Variants in KIAA0319 observed in about 807,000 individuals in gnomAD.
KIAA0319 encodes dyslexia-associated protein KIAA0319.
Under a neutral mutation model 108.4 loss-of-function variants are expected in KIAA0319, and 83 were observed. The ratio of observed to expected loss-of-function variants is 0.77; its 90% CI spans 0.64 to 0.92. The LOEUF (loss-of-function observed/expected upper bound fraction) is 0.92, where lower values mean the gene tolerates loss of function less well. Ranked by LOEUF, KIAA0319 falls within the 40% of genes least tolerant of loss-of-function variation. The pLI is 0.00. For missense variants in KIAA0319, 1,195 were observed against 1,322.4 expected (o/e 0.90, Z 1.49); for synonymous variants, 484 against 510.4 (o/e 0.95, Z 0.70).
At chr6:24,638,333 A>G (rs1255556566) in intron 1 of KIAA0319, among the ~76,000 whole-genome samples, 1 of 152,244 alleles carries the variant, frequency 6.6e-6, no homozygotes, top group African/African-American at 2.4e-5. Flanking sequence ...AATGGGAGCA[A>G]TATCTGTGGA....
chr6:24,644,318 T>C (rs1350978089), intron 1 of KIAA0319, among the ~76,000 whole-genome samples: 1 of 152,172 alleles, frequency 6.6e-6, no homozygotes, highest in East Asian at 1.9e-4. Flanking sequence ...ATTGGGTAAA[T>C]AATGATCTTG....
In KIAA0319 at chr6:24,599,432, G is replaced by T; in HGVS notation, c.55+1617C>A. ...AGCTGTCCAAGCTGGAGGCCACCCT[G>T]CAGTGGGCCATGCAGGACATGGCAT... On this transcript the variant is annotated intron_variant, in intron 2 of 20. Transcript: ENST00000378214. The surrounding 1 kb of genome is among the most constrained non-coding windows in gnomAD (Gnocchi z 4.1). 1 of 554,230 alleles carries T rather than the reference G, an allele frequency of 1.8e-6. No homozygotes were observed. 34.3% of individuals were successfully genotyped at this position (554,230 alleles called of 1,614,324 possible).
At chr6:24,608,719 A>G (rs1771811346) in intron 1 of KIAA0319, among the ~76,000 whole-genome samples, 1 of 151,752 alleles carries the variant, frequency 6.6e-6, no homozygotes, top group Non-Finnish European at 1.5e-5. Flanking sequence ...TCACGAGGTC[A>G]GGAGATCGAG....
Position 24,546,974 on chromosome 6 carries a change from A to G in KIAA0319, c.*191T>C, listed in dbSNP as rs1324793522. On this transcript the variant is annotated 3_prime_UTR_variant, in exon 21 of 21. Coordinates refer to ENST00000378214, the MANE Select transcript of KIAA0319 (RefSeq NM_014809.4). ...CCAGCCTTTATTTCTATTAACAAGC[A>G]TCTCAGTTAAAAGAGCAAAGTTTTT... 1 of 560,190 alleles carries G rather than the reference A, an allele frequency of 1.8e-6. No homozygotes were observed. The highest frequency in any genetic ancestry group is 3.2e-6 in the Non-Finnish European group (1 of 314,908). 34.7% of individuals were successfully genotyped at this position (560,190 alleles called of 1,614,324 possible).
At chr6:24,580,790 TTTCTC>T in intron 7 of KIAA0319, 131 bp downstream of exon 7, 2 of 645,552 alleles carry the variant, frequency 3.1e-6, no homozygotes, top group Non-Finnish European at 2.8e-6. Flanking sequence ...CTTTGCGTGT[TTTCTC>T]TACAATGGAG....
intron 1 of KIAA0319, among the ~76,000 whole-genome samples, chr6:24,611,662 AT>A: frequency 6.6e-6 from 1 of 152,356 alleles, no homozygotes; most frequent in South Asian, 2.1e-4. Context: ...TCCCTAATAC[AT>A]AAGAGAACTT....
chr6:24,596,002 G>A lies in KIAA0319; in HGVS notation c.672C>T (p.Thr224=), dbSNP rs762291048. Residue 224 remains threonine, a synonymous_variant, in exon 3 of 21, where the codon ACC becomes ACT. Coordinates refer to ENST00000378214, the MANE Select transcript of KIAA0319 (RefSeq NM_014809.4). ...TTCTCTCAGGGAGTTTTGGGGCAGG[G>A]GTTGAAGCCGACTCATTCAGGTAAT... ...ELHYLNESAS[T]PAPKLPERSV... The A allele has an allele frequency of 1.9e-6, 3 of 1,614,198 alleles. No homozygotes were observed. Among genetic ancestry groups the A allele is most frequent in the Non-Finnish European group, 1.7e-6 (2 of 1,180,038 alleles).
chr6:24,609,369 G>A (rs1023053572), intron 1 of KIAA0319, among the ~76,000 whole-genome samples: 95 of 151,698 alleles, frequency 6.3e-4, no homozygotes, highest in Non-Finnish European at 7.9e-4. Flanking sequence ...ACGAGGTCAG[G>A]AGATTGAGAC....
intron 18 of KIAA0319, among the ~76,000 whole-genome samples, chr6:24,556,329 C>T (rs182205937): frequency 1.3e-5 from 2 of 152,006 alleles, no homozygotes; most frequent in African/African-American, 2.4e-5. Context: ...TACAGGCACA[C>T]GCAACCACAC....
At chr6:24,627,419 G>C (rs1774860793) in intron 1 of KIAA0319, among the ~76,000 whole-genome samples, 1 of 152,150 alleles carries the variant, frequency 6.6e-6, no homozygotes. Flanking sequence ...TGGGAGGGAA[G>C]GTGATTAGGT....
In KIAA0319 at chr6:24,581,036, A is replaced by G. The variant is rs555831025; in HGVS notation, c.1192-23T>C. 246 of 1,472,402 alleles carry G rather than the reference A, an allele frequency of 1.7e-4. 2 individuals are homozygous for G. In the South Asian group the frequency reaches 2.6e-3, roughly 16 times the overall value. 91.2% of individuals were successfully genotyped at this position (1,472,402 alleles called of 1,614,324 possible). A position where few individuals can be genotyped will look rare whatever the true frequency, so the allele number is the denominator to read the frequency against. ...CAACTGTAACATAAAGAAAAGTTGT[A>G]CAGTTCAACATGCAAGACGTGATGG... On this transcript the variant is annotated intron_variant, in intron 6 of 20. Transcript: ENST00000378214.
Position 24,596,459 on chromosome 6 carries a change from C to T in KIAA0319, c.215G>A (p.Trp72Ter), listed in dbSNP as rs1769618451. 1.2e-6 allele frequency: 2 copies of T among 1,614,206 alleles called. No individual in the cohort carries two copies. Among genetic ancestry groups the T allele is most frequent in the Non-Finnish European group, 1.7e-6 (2 of 1,180,038 alleles). ...CACCAGGTAGCAGCGGCCCTCGAAC[C>T]ACCAGGCCAGGTCACAGCTGGACAG... ...CDLSSCDLAW[W>*]FEGRCYLVSC... Residue 72 changes from tryptophan to a stop codon, truncating the protein, a stop_gained, in exon 3 of 21, where the codon TGG becomes TAG. Transcript: ENST00000378214. LOFTEE classifies it high-confidence loss of function.
chr6:24,582,260 T>C lies in KIAA0319; in HGVS notation c.1180A>G (p.Asn394Asp). ...CTCCAGTTACTTACTTGAGAGAGGT[T>C]AAGAGTTTGCTTGTGTCCTTGTTTT... ...EIKQGHKQTL[N>D]LSQLSVGLYV... The change falls in exon 6 of 21, where the codon AAC (asparagine) becomes GAC (aspartate). Residue 394 changes from asparagine to aspartate, a missense_variant. Physicochemically the swap from Asn to Asp is conservative, Grantham distance 23 (BLOSUM62 1). Coordinates refer to ENST00000378214, the MANE Select transcript of KIAA0319 (RefSeq NM_014809.4). 6.3e-7 allele frequency: 1 copy of C among 1,590,076 alleles called. No individual in the cohort carries two copies. The highest frequency in any genetic ancestry group is 8.6e-7 in the Non-Finnish European group (1 of 1,158,240).
intron 1 of KIAA0319, among the ~76,000 whole-genome samples, chr6:24,621,917 G>GA (rs1436370907): frequency 2.0e-5 from 3 of 152,138 alleles, no homozygotes; most frequent in East Asian, 3.9e-4. Flanking sequence ...ATCACCAAAC[G>GA]AAAAACAGAT....
intron 6 of KIAA0319, 36 bp downstream of exon 6, chr6:24,582,213 T>C (rs372578965): frequency 8.7e-7 from 1 of 1,156,060 alleles, no homozygotes; most frequent in African/African-American, 1.5e-5. Flanking sequence ...GCCGTTACGC[T>C]GTGCTGTTAG....
intron 1 of KIAA0319, among the ~76,000 whole-genome samples, chr6:24,614,282 G>A (rs537566011): frequency 2.6e-5 from 4 of 152,058 alleles, no homozygotes; most frequent in African/African-American, 9.6e-5. Flanking sequence ...TTCGCCTCCC[G>A]GTCTTCTTTC....
At chr6:24,598,353 C>A in intron 2 of KIAA0319, 1 of 658,736 alleles carries the variant, frequency 1.5e-6, no homozygotes, top group Non-Finnish European at 2.8e-6. Flanking sequence ...CCTTTATCAA[C>A]AAGGTATGGT....
chr6:24,633,226 C>A (rs1775798636), intron 1 of KIAA0319, among the ~76,000 whole-genome samples: 1 of 152,128 alleles, frequency 6.6e-6, no homozygotes, highest in Non-Finnish European at 1.5e-5. Context: ...CATATGCAGA[C>A]AAATATACAG....
intron 10 of KIAA0319, 51 bp downstream of exon 10, chr6:24,576,317 T>C (rs1561972505): frequency 4.2e-6 from 6 of 1,442,322 alleles, no homozygotes; most frequent in Middle Eastern, 1.9e-4. Flanking sequence ...CATAGCTAGG[T>C]AGACAGACAG....
Sources: gnomAD v4.1 joint callset for allele counts (sites outside exome capture counted in the v4.1 genomes callset) on GRCh38, gnomAD v4.1.1 for gene constraint, Gnocchi (gnomAD v3.1) non-coding constraint, MANE v1.5 for transcripts, NCBI Gene and HGNC (gene_info 2026-07-23, HGNC 2026-07-21) for gene names.